Variants in RAP1A observed in about 807,000 individuals in gnomAD.
The protein encoded by RAP1A is ras-related protein Rap-1A.
In RAP1A, 6 loss-of-function variants were observed where a neutral mutation model predicts 26.4. The observed-to-expected ratio is 0.23, with a 90% CI of 0.12 to 0.45. The LOEUF (loss-of-function observed/expected upper bound fraction) is 0.45, where lower values mean the gene tolerates loss of function less well. Among genes scored for constraint, RAP1A ranks in the 20% least tolerant of loss-of-function variants. RAP1A has a pLI of 0.99. For missense variants in RAP1A, 121 were observed against 217.2 expected (o/e 0.56, Z 2.78); for synonymous variants, 73 against 79.4 (o/e 0.92, Z 0.43).
chr1:111,669,961 A>G (rs1300982114), intron 1 of RAP1A, among the ~76,000 whole-genome samples: 1 of 152,218 alleles, frequency 6.6e-6, no homozygotes, highest in Non-Finnish European at 1.5e-5. Context: ...GGAAAGTAGA[A>G]ATCAAAAGAC....
At chr1:111,563,455 T>A (rs1657827788) in intron 1 of RAP1A, among the ~76,000 whole-genome samples, 2 of 152,168 alleles carry the variant, frequency 1.3e-5, no homozygotes, top group South Asian at 4.1e-4. Flanking sequence ...TTGAGATTTG[T>A]TTTTCTGAAC....
chr1:111,658,176 C>T (rs930463239), intron 1 of RAP1A, among the ~76,000 whole-genome samples: 15 of 152,070 alleles, frequency 9.9e-5, no homozygotes, highest in Non-Finnish European at 2.1e-4. Flanking sequence ...TTAAATTAAT[C>T]TCTGAGTAGT....
intron 1 of RAP1A, among the ~76,000 whole-genome samples, chr1:111,653,994 G>A (rs1202383056): frequency 6.6e-6 from 1 of 152,130 alleles, no homozygotes; most frequent in Non-Finnish European, 1.5e-5. Flanking sequence ...AAGACAAGGC[G>A]AGTCTCTTGT....
At chr1:111,542,321 A>G in exon 1 of RAP1A, 1 of 488,800 alleles carries the variant, frequency 2.0e-6, no homozygotes, top group African/African-American at 2.0e-5. Flanking sequence ...AGAAGTTAAA[A>G]GAGAAGTGTC....
At chr1:111,646,310 T>G (rs1263229796) in intron 1 of RAP1A, among the ~76,000 whole-genome samples, 1 of 151,996 alleles carries the variant, frequency 6.6e-6, no homozygotes, top group Non-Finnish European at 1.5e-5. Context: ...CTAGTATACC[T>G]CTGACCATTT....
intron 1 of RAP1A, among the ~76,000 whole-genome samples, chr1:111,640,887 A>T (rs536759424): frequency 1.1e-4 from 17 of 152,152 alleles, no homozygotes; most frequent in Middle Eastern, 6.8e-3. Context: ...TCGCTTGAGC[A>T]TGGGAGGTTG....
chr1:111,619,032 A>AT (rs1442916471), upstream of RAP1A, among the ~76,000 whole-genome samples: 1 of 152,156 alleles, frequency 6.6e-6, no homozygotes, highest in Non-Finnish European at 1.5e-5. Flanking sequence ...CGTTCCTGTT[A>AT]TAATGGCCCA....
In RAP1A at chr1:111,699,463, CT is replaced by C. The variant is rs11435540; in HGVS notation, c.183+1982del. ...TTTTTCTTTATCCATCTCACTTCCT[CT>C]TTTTTTTTTTTTTTTGAAACAGGGT... On this transcript the variant is annotated intron_variant, in intron 4 of 7. Coordinates refer to ENST00000369709, the MANE Select transcript of RAP1A (RefSeq NM_002884.4). Among the ~76,000 whole-genome samples the C allele has an allele frequency of 9.9e-3, 1,233 of 124,142 alleles. 19 individuals carry two copies. The highest frequency in any genetic ancestry group is 0.034 in the African/African-American group (1,129 of 32,900). 81.4% of individuals were successfully genotyped at this position (124,142 alleles called of 152,430 possible). A position where few individuals can be genotyped will look rare whatever the true frequency, so the allele number is the denominator to read the frequency against.
chr1:111,638,587 G>T (rs1194079797), intron 1 of RAP1A, among the ~76,000 whole-genome samples: 1 of 152,086 alleles, frequency 6.6e-6, no homozygotes, highest in Non-Finnish European at 1.5e-5. Context: ...AACATGCCTG[G>T]CTAACTTTTT....
chr1:111,689,873 T>G (rs1661616339), intron 1 of RAP1A, among the ~76,000 whole-genome samples: 1 of 152,190 alleles, frequency 6.6e-6, no homozygotes, highest in South Asian at 2.1e-4. Flanking sequence ...AGATGGGGTT[T>G]CACCATGGTA....
intron 1 of RAP1A, among the ~76,000 whole-genome samples, chr1:111,671,456 A>G (rs1277855112): frequency 1.3e-5 from 2 of 151,986 alleles, no homozygotes; most frequent in East Asian, 1.9e-4. Flanking sequence ...TAAGTCAAGT[A>G]TACTATTTTC....
At chr1:111,696,935 A>G (rs1661849691) in intron 3 of RAP1A, among the ~76,000 whole-genome samples, 1 of 152,136 alleles carries the variant, frequency 6.6e-6, no homozygotes, top group South Asian at 2.1e-4. Context: ...TATGTCTTAA[A>G]CTCAGATTTT....
At chr1:111,620,250 C>T (rs1288616592) in intron 1 of RAP1A, among the ~76,000 whole-genome samples, 1 of 152,244 alleles carries the variant, frequency 6.6e-6, no homozygotes, top group African/African-American at 2.4e-5. Context: ...GTGTCCCCCA[C>T]CCTTCAGCTC....
chr1:111,584,874 A>C (rs1263921796), intron 1 of RAP1A, among the ~76,000 whole-genome samples: 1 of 152,208 alleles, frequency 6.6e-6, no homozygotes, highest in African/African-American at 2.4e-5. Flanking sequence ...TAGGAGGATG[A>C]GCTTCAACTG....
intron 1 of RAP1A, among the ~76,000 whole-genome samples, chr1:111,663,004 C>A (rs2101161735): frequency 6.6e-6 from 1 of 152,326 alleles, no homozygotes; most frequent in Admixed American, 6.5e-5. Context: ...ACCTCCGACT[C>A]CCTGATTCTA....
intron 1 of RAP1A, among the ~76,000 whole-genome samples, chr1:111,623,253 T>G (rs1659279054): frequency 6.6e-6 from 1 of 152,056 alleles, no homozygotes; most frequent in Non-Finnish European, 1.5e-5. Context: ...CTCAAACTCC[T>G]GACCTCAAGT....
At chr1:111,570,043 C>A (rs1297582944) in intron 1 of RAP1A, among the ~76,000 whole-genome samples, 2 of 151,988 alleles carry the variant, frequency 1.3e-5, no homozygotes, top group African/African-American at 2.4e-5. Context: ...GAGAGGGGAA[C>A]CTTCTTAATG....
intron 6 of RAP1A, among the ~76,000 whole-genome samples, 158 bp downstream of exon 6, chr1:111,704,644 CT>C (rs1421703312): frequency 1.3e-5 from 2 of 152,088 alleles, no homozygotes; most frequent in African/African-American, 4.8e-5. Context: ...TATTTTTTAG[CT>C]TGCATAAGGT....
At chr1:111,683,668 A>AT (rs1661374661) in intron 1 of RAP1A, among the ~76,000 whole-genome samples, 1 of 152,232 alleles carries the variant, frequency 6.6e-6, no homozygotes, top group African/African-American at 2.4e-5. Flanking sequence ...GGCAGTAAAT[A>AT]ATAGCCTACC....
Sources: gnomAD v4.1 joint callset for allele counts (sites outside exome capture counted in the v4.1 genomes callset) on GRCh38, gnomAD v4.1.1 for gene constraint, MANE v1.5 for transcripts, NCBI Gene and HGNC (gene_info 2026-07-23, HGNC 2026-07-21) for gene names.